The following PROK2 variants were observed in gnomAD, a reference collection of about 807,000 sequenced individuals.
The protein encoded by PROK2 is prokineticin 2, also known as prokineticin-2.
In PROK2, 8 loss-of-function variants were observed where a neutral mutation model predicts 14.2. The ratio of observed to expected loss-of-function variants is 0.56; its 90% CI spans 0.33 to 1.02. PROK2 has a LOEUF of 1.02. Among genes scored for constraint, PROK2 ranks in the 50% least tolerant of loss-of-function variants. PROK2 has a pLI of 0.03. For synonymous variants in PROK2, 59 were observed against 60.7 expected (o/e 0.97, Z 0.13); for missense variants, 154 against 160.4 (o/e 0.96, Z 0.22).
At chr3:71,773,770 CA>C (rs1382734635) in intron 3 of PROK2, among the ~76,000 whole-genome samples, 1 of 152,206 alleles carries the variant, frequency 6.6e-6, no homozygotes, top group Admixed American at 6.5e-5. Context: ...ATTCGAGAGT[CA>C]CTCTAAGAGC....
rs2050102086 is a variant in PROK2 at position 71,774,320 on chromosome 3, AC to A, written c.285+124del. 6.0e-6 allele frequency: 9 copies of A among 1,498,434 alleles called. No homozygotes were observed. In the Admixed American group the frequency reaches 2.2e-4, roughly 36 times the overall value. The allele number at this position is 1,498,434 out of a possible 1,614,324, so 92.8% of individuals were successfully genotyped here. ...AAAGCTGTCTACAGATAGTGGCAGAACCATTCTAATCTTATGTTGGGGCTGA... is the reference window on the plus strand; with the variant it reads ...AAAGCTGTCTACAGATAGTGGCAGAACATTCTAATCTTATGTTGGGGCTGA... On this transcript the variant is annotated intron_variant, in intron 3 of 3. Coordinates refer to ENST00000295619, the MANE Select transcript of PROK2 (RefSeq NM_001126128.2).
chr3:71,781,376 C>T (rs551558181), intron 2 of PROK2, 91 bp downstream of exon 2: 29 of 1,500,132 alleles, frequency 1.9e-5, no homozygotes, highest in Middle Eastern at 2.1e-4. Flanking sequence ...TTTTGTTTGT[C>T]GAGCACGTTA....
At chr3:71,774,381 A>T (rs1407719620) in intron 3 of PROK2, 64 bp downstream of exon 3, 37 of 1,550,962 alleles carry the variant, frequency 2.4e-5, no homozygotes, top group Non-Finnish European at 3.1e-5. Context: ...TGGTAGTCCA[A>T]CAATGTAAAG....
chr3:71,782,658 C>T (rs547567822), intron 1 of PROK2, among the ~76,000 whole-genome samples: 4 of 152,256 alleles, frequency 2.6e-5, no homozygotes, highest in African/African-American at 9.6e-5. Flanking sequence ...CCTCTATCAT[C>T]TAGGCACAAA....
Position 71,784,950 on chromosome 3 carries a change from C to T in PROK2, c.96+7G>A, listed in dbSNP as rs1559628231. ...CAGGGGCAGACAGGTGCGCCCGGGC[C>T]GCTTACCCCGGTGATCACGGCGGCG... is the stretch of plus-strand genomic sequence containing the variant. On this transcript the variant is annotated splice_region_variant and intron_variant, in intron 1 of 3. Coordinates refer to ENST00000295619, the MANE Select transcript of PROK2 (RefSeq NM_001126128.2). 8.0e-7 allele frequency: 1 copy of T among 1,245,022 alleles called. No individual in the cohort carries two copies. The allele number at this position is 1,245,022 out of a possible 1,614,324, so 77.1% of individuals were successfully genotyped here. A position where few individuals can be genotyped will look rare whatever the true frequency, so the allele number is the denominator to read the frequency against.
rs894034615 is a variant in PROK2, at chr3:71,772,022, C to T, written c.*702G>A. 4 of 152,202 alleles carry T rather than the reference C, an allele frequency of 2.6e-5. No homozygotes were observed. The highest frequency in any genetic ancestry group is 9.7e-5 in the African/African-American group (4 of 41,442). 9.4% of individuals were successfully genotyped at this position (152,202 alleles called of 1,614,324 possible). On this transcript the variant is annotated 3_prime_UTR_variant, in exon 4 of 4. Transcript: ENST00000295619. ...TAATTTGGCTTTCCATTCCTTCTGT[C>T]CACACACCAGCCCAACAGCAGAGCT... is the stretch of plus-strand genomic sequence containing the variant.
chr3:71,777,682 A>C (rs2050130257), intron 2 of PROK2, among the ~76,000 whole-genome samples: 1 of 152,190 alleles, frequency 6.6e-6, no homozygotes, highest in African/African-American at 2.4e-5. Context: ...AAAATTCAGA[A>C]TACAATAAGC....
At chr3:71,776,373 T>C (rs1176829359) in intron 2 of PROK2, among the ~76,000 whole-genome samples, 42 of 128,158 alleles carry the variant, frequency 3.3e-4, no homozygotes, top group Admixed American at 2.3e-4. Flanking sequence ...CATTTTTTTT[T>C]TTTTTTTTTT....
intron 2 of PROK2, among the ~76,000 whole-genome samples, chr3:71,774,829 C>G (rs143527414): frequency 6.6e-6 from 1 of 152,146 alleles, no homozygotes; most frequent in African/African-American, 2.4e-5. Flanking sequence ...CTGGCTTAGA[C>G]AGTTATAAGT....
At chr3:71,777,070 G>A (rs1407275551) in intron 2 of PROK2, among the ~76,000 whole-genome samples, 1 of 152,216 alleles carries the variant, frequency 6.6e-6, no homozygotes, top group African/African-American at 2.4e-5. Flanking sequence ...TGTCTTAACT[G>A]TATCAACGTC....
chr3:71,782,240 A>G (rs142369963), intron 1 of PROK2, among the ~76,000 whole-genome samples: 6 of 152,318 alleles, frequency 3.9e-5, no homozygotes, highest in African/African-American at 1.4e-4. Context: ...TGCTTGCCTT[A>G]TGTTACTCTT....
intron 3 of PROK2, among the ~76,000 whole-genome samples, chr3:71,773,133 C>G (rs534639892): frequency 4.6e-5 from 7 of 152,276 alleles, no homozygotes; most frequent in Middle Eastern, 3.4e-3. Context: ...GTGCATGCCA[C>G]CACGCCCAAC....
chr3:71,774,453 T>G lies in PROK2; in HGVS notation c.277A>C (p.Lys93Gln), dbSNP rs756959632. The change falls in exon 3 of 4, where the codon AAA becomes CAA. Residue 93 changes from lysine to glutamine, a missense_variant. By Grantham distance (53) the Lys-to-Gln change is moderately conservative. Transcript: ENST00000295619. ...ERRKRKRSKRKKEVPFFGRRM... is the reference protein window; with the variant it reads ...ERRKRKRSKRQKEVPFFGRRM... ...ATTCGCATTCTTCTTACCTCCTTTT[T>G]CCTTTTGCTTCTCTTCCTCTTTCTT... The G allele has an allele frequency of 3.2e-6, 5 of 1,551,588 alleles. No homozygotes were observed. In the South Asian group the frequency reaches 6.0e-5, roughly 18 times the overall value.
chr3:71,781,321 AG>A, intron 2 of PROK2, 145 bp downstream of exon 2: 1 of 941,616 alleles, frequency 1.1e-6, no homozygotes, highest in Non-Finnish European at 1.7e-6. Flanking sequence ...GGGAGAGGAG[AG>A]GGGGTAGTTT....
intron 3 of PROK2, among the ~76,000 whole-genome samples, chr3:71,773,192 C>T (rs931660820): frequency 2.6e-5 from 4 of 152,120 alleles, no homozygotes; most frequent in Admixed American, 6.6e-5. Context: ...GTTGGCCAGG[C>T]GGGTCTCGAA....
intron 2 of PROK2, among the ~76,000 whole-genome samples, chr3:71,775,903 C>A (rs2050113925): frequency 6.6e-6 from 1 of 152,120 alleles, no homozygotes; most frequent in Admixed American, 6.5e-5. Context: ...TCTAGGAACT[C>A]CCCGAAGGGC....
chr3:71,773,968 T>C (rs918510243), intron 3 of PROK2, among the ~76,000 whole-genome samples: 3 of 152,212 alleles, frequency 2.0e-5, no homozygotes, highest in Non-Finnish European at 4.4e-5. Context: ...TCTTACAAGT[T>C]ATACGGAGAA....
At chr3:71,774,169 G>A (rs1043035657) in intron 3 of PROK2, among the ~76,000 whole-genome samples, 1 of 152,090 alleles carries the variant, frequency 6.6e-6, no homozygotes, top group Non-Finnish European at 1.5e-5. Flanking sequence ...TTCTTATTCT[G>A]TTCCACCAAA....
At chr3:71,780,725 G>A (rs2050154190) in intron 2 of PROK2, among the ~76,000 whole-genome samples, 1 of 152,156 alleles carries the variant, frequency 6.6e-6, no homozygotes, top group South Asian at 2.1e-4. Context: ...AGCTCCACAT[G>A]CCTTCTGCCT....
Sources: allele counts gnomAD v4.1 joint callset (sites outside exome capture counted in the v4.1 genomes callset), GRCh38; gene constraint gnomAD v4.1.1; transcripts MANE v1.5; gene names NCBI Gene and HGNC (gene_info 2026-07-23, HGNC 2026-07-21).